Variants in XRN2 observed in about 807,000 individuals in gnomAD.
The protein encoded by XRN2 is 5'-3' exoribonuclease 2.
XRN2 carries 44 observed loss-of-function variants against 138.5 expected under a neutral mutation model. That is an observed-to-expected ratio of 0.32 (90% CI 0.25 to 0.41). The LOEUF (loss-of-function observed/expected upper bound fraction) is 0.41, where lower values mean the gene tolerates loss of function less well. Ranked by LOEUF, XRN2 falls within the 10% of genes least tolerant of loss-of-function variation. The probability of loss-of-function intolerance (pLI) is 1.00; values close to 1 mark genes in which losing one functional copy is unlikely to be tolerated. For synonymous variants in XRN2, 354 were observed against 369.4 expected (o/e 0.96, Z 0.48); for missense variants, 937 against 1,169.3 (o/e 0.80, Z 2.90).
At chr20:21,309,671 A>G (rs1224852634) in intron 1 of XRN2, among the ~76,000 whole-genome samples, 2 of 152,142 alleles carry the variant, frequency 1.3e-5, no homozygotes, top group Non-Finnish European at 2.9e-5. Flanking sequence ...ATTGGCTGAC[A>G]TAAAGTTGTT....
At position 21,303,393 on chromosome 20, in the gene XRN2, G is replaced by T. The variant is rs1011575523; in HGVS notation, c.-6G>T. 1 of 1,547,468 alleles carries T rather than the reference G, an allele frequency of 6.5e-7. No individual in the cohort carries two copies. The highest frequency in any genetic ancestry group is 2.0e-5 in the Admixed American group (1 of 50,692). On this transcript the variant is annotated 5_prime_UTR_variant, in exon 1 of 30. Transcript: ENST00000377191. ...GGTCGGCCGCCGCCTCCAGCCGTGT[G>T]CCGCTATGGGAGTCCCGGCGTTCTT...
rs1232101196 is a variant in XRN2 at position 21,356,674 on chromosome 20, C to T, written c.2198+9C>T. On this transcript the variant is annotated intron_variant, in intron 23 of 29. Transcript: ENST00000377191. Reference sequence around the variant, plus strand: ...GCCATTCTTCCAGATCAGTAAGTTTCATTTTGTATATAATTGAGGTGACTG... The same window carrying T: ...GCCATTCTTCCAGATCAGTAAGTTTTATTTTGTATATAATTGAGGTGACTG... 5 of 1,611,194 alleles carry T rather than the reference C, an allele frequency of 3.1e-6. No individual in the cohort carries two copies. The South Asian group carries it at 4.4e-5, about 14-fold the overall frequency.
At position 21,365,613 on chromosome 20, in the gene XRN2, T is replaced by A; in HGVS notation, c.2365T>A (p.Ser789Thr). 6.2e-7 allele frequency: 1 copy of A among 1,613,140 alleles called. No individual in the cohort carries two copies. The highest frequency in any genetic ancestry group is 8.5e-7 in the Non-Finnish European group (1 of 1,179,924). ...ACTGAAACCTAGTGACTGGGAAAAA[T>A]CCAGCAATGGACGGCAGTGGAAGCC... ...AVLKPSDWEK[S>T]SNGRQWKPQL... is the part of the protein sequence containing the mutation. The change falls in exon 26 of 30, where the codon TCC becomes ACC. Residue 789 changes from serine (S) to threonine (T), a missense_variant. Ser to Thr is a moderately conservative substitution (Grantham distance 58). This residue lies in a region of XRN2 where 372 missense variants were observed against 414.4 expected (regional missense o/e 0.90). Coordinates refer to ENST00000377191, the MANE Select transcript of XRN2 (RefSeq NM_012255.5).
chr20:21,349,875 G>A (rs886144675), intron 20 of XRN2, among the ~76,000 whole-genome samples: 3 of 152,190 alleles, frequency 2.0e-5, no homozygotes, highest in Non-Finnish European at 4.4e-5. Flanking sequence ...AACATTCTTA[G>A]AAGCAGTAAA....
Position 21,354,779 on chromosome 20 carries a change from G to A in XRN2, c.1937-10G>A, listed in dbSNP as rs932519690. 6.2e-7 allele frequency: 1 copy of A among 1,613,544 alleles called. No homozygotes were observed. Among genetic ancestry groups the A allele is most frequent in the African/African-American group, 1.3e-5 (1 of 75,018 alleles). On this transcript the variant is annotated splice_polypyrimidine_tract_variant and intron_variant, in intron 20 of 29. Transcript: ENST00000377191. ...TAGCAGGGGTGGTTCATTTGCACTT[G>A]TTTTTTCAGGTGTTGCTCTCTTGCC...
intron 1 of XRN2, among the ~76,000 whole-genome samples, chr20:21,325,706 G>A (rs28384476): frequency 6.6e-6 from 1 of 152,216 alleles, no homozygotes; most frequent in Non-Finnish European, 1.5e-5. Flanking sequence ...AAGGCTCCAG[G>A]CTCATTGATA....
chr20:21,331,698 A>G (rs945403310), intron 7 of XRN2, 65 bp downstream of exon 7: 2 of 1,593,084 alleles, frequency 1.3e-6, no homozygotes, highest in African/African-American at 1.4e-5. Flanking sequence ...CATAGAAAAT[A>G]CTTGGTATGA....
intron 28 of XRN2, among the ~76,000 whole-genome samples, chr20:21,382,672 A>G (rs1237298447): frequency 5.3e-5 from 8 of 152,218 alleles, no homozygotes; most frequent in Admixed American, 5.2e-4. Flanking sequence ...AATAAGTACC[A>G]TGGACTAGGA....
intron 1 of XRN2, among the ~76,000 whole-genome samples, chr20:21,309,898 T>C (rs540949251): frequency 1.3e-5 from 2 of 152,318 alleles, no homozygotes; most frequent in African/African-American, 4.8e-5. Context: ...TGTTCTCAGA[T>C]AACTAGCTTT....
At chr20:21,349,214 T>A (rs2038476256) in intron 19 of XRN2, among the ~76,000 whole-genome samples, 175 bp from the exon 20 acceptor site, 1 of 152,244 alleles carries the variant, frequency 6.6e-6, no homozygotes, top group Admixed American at 6.5e-5. Context: ...ATAACATTGT[T>A]CATTTTGTTT....
intron 15 of XRN2, among the ~76,000 whole-genome samples, chr20:21,341,736 T>G (rs2038374807): frequency 6.6e-6 from 1 of 152,324 alleles, no homozygotes; most frequent in South Asian, 2.1e-4. Flanking sequence ...CTATTGATGC[T>G]CATATGGAAC....
At chr20:21,317,830 A>G (rs2037981422) in intron 1 of XRN2, among the ~76,000 whole-genome samples, 1 of 152,192 alleles carries the variant, frequency 6.6e-6, no homozygotes, top group Non-Finnish European at 1.5e-5. Flanking sequence ...TGTAGAATTG[A>G]CAGATACGGA....
intron 17 of XRN2, among the ~76,000 whole-genome samples, chr20:21,347,557 T>C (rs1367864648): frequency 6.6e-6 from 1 of 152,262 alleles, no homozygotes; most frequent in Non-Finnish European, 1.5e-5. Flanking sequence ...TTCAACTCAC[T>C]AGACACTGTC....
intron 1 of XRN2, among the ~76,000 whole-genome samples, chr20:21,311,633 C>T (rs1256843354): frequency 6.6e-6 from 1 of 152,148 alleles, no homozygotes; most frequent in African/African-American, 2.4e-5. Context: ...TTTTGAGGAA[C>T]CACCAAACTG....
chr20:21,327,666 A>G (rs2038146405), intron 3 of XRN2, among the ~76,000 whole-genome samples: 1 of 152,198 alleles, frequency 6.6e-6, no homozygotes, highest in Non-Finnish European at 1.5e-5. Context: ...CAAGTATAAA[A>G]TATGTACACA....
chr20:21,370,026 T>C (rs978199618), intron 27 of XRN2, among the ~76,000 whole-genome samples: 19 of 152,174 alleles, frequency 1.2e-4, no homozygotes, highest in Non-Finnish European at 2.4e-4. Flanking sequence ...TTTTATTTGA[T>C]TTTTTATATG....
rs1258126066 is a variant in XRN2 at position 21,307,404 on chromosome 20, A to T, written c.75+3931A>T. Among the ~76,000 whole-genome samples, 2 of 75,526 alleles carry T rather than the reference A, an allele frequency of 2.6e-5. 1 individual carries two copies. The highest frequency in any genetic ancestry group is 1.4e-3 in the East Asian group (2 of 1,476). The allele number at this position is 75,526 out of a possible 152,430, so 49.5% of individuals were successfully genotyped here. ...TCAGGATACTGGTCCTCTTAGACTC[A>T]TGTATTTTTATTTTTATTTTCTCTC... On this transcript the variant is annotated intron_variant, in intron 1 of 29. Transcript: ENST00000377191.
At chr20:21,350,733 C>CA (rs1375674218) in intron 20 of XRN2, among the ~76,000 whole-genome samples, 3 of 151,794 alleles carry the variant, frequency 2.0e-5, no homozygotes, top group African/African-American at 7.3e-5. Context: ...AAATGACTTA[C>CA]GGAGAATCTT....
chr20:21,350,264 C>T (rs967761193), intron 20 of XRN2, among the ~76,000 whole-genome samples: 19 of 152,160 alleles, frequency 1.2e-4, no homozygotes, highest in Non-Finnish European at 1.8e-4. Context: ...CAGTGGCTCG[C>T]GCCTGTAATC....
Sources: allele counts gnomAD v4.1 joint callset (sites outside exome capture counted in the v4.1 genomes callset), GRCh38; gene constraint gnomAD v4.1.1; regional missense constraint gnomAD v4.1.1; transcripts MANE v1.5; gene names NCBI Gene and HGNC (gene_info 2026-07-23, HGNC 2026-07-21).